Variants in ZNF385B observed in about 807,000 individuals in gnomAD.
The protein encoded by ZNF385B is zinc finger protein 533.
In ZNF385B, 23 loss-of-function variants were observed where a neutral mutation model predicts 39.2. That is an observed-to-expected ratio of 0.59 (90% CI 0.42 to 0.83). The LOEUF is 0.83. ZNF385B is among the 40% of genes least tolerant of loss of function. The pLI, the probability that ZNF385B is intolerant of heterozygous loss-of-function variation, is 0.00. For missense variants in ZNF385B, 552 were observed against 598.9 expected (o/e 0.92, Z 0.82); for synonymous variants, 205 against 222.6 (o/e 0.92, Z 0.70).
intron 3 of ZNF385B, among the ~76,000 whole-genome samples, chr2:179,631,450 C>T (rs9752068): frequency 0.029 from 4,388 of 152,170 alleles, 212 homozygotes; most frequent in African/African-American, 0.1. Flanking sequence ...AAATAAAATC[C>T]TTTACAGACA....
chr2:179,473,091 T>C (rs2052974061), intron 6 of ZNF385B, among the ~76,000 whole-genome samples: 2 of 152,166 alleles, frequency 1.3e-5, no homozygotes, highest in African/African-American at 4.8e-5. Flanking sequence ...TGCCAGGGGC[T>C]GCAGGGGACA....
At chr2:179,528,471 A>T (rs192283352) in intron 4 of ZNF385B, among the ~76,000 whole-genome samples, 106 of 152,336 alleles carry the variant, frequency 7.0e-4, no homozygotes, top group African/African-American at 2.3e-3. Context: ...ATAAATACAT[A>T]TGTTGTCTAA....
intron 3 of ZNF385B, among the ~76,000 whole-genome samples, chr2:179,628,631 A>G (rs16866871): frequency 0.15 from 23,347 of 152,152 alleles, 1,931 homozygotes; most frequent in East Asian, 0.25. Flanking sequence ...TCTCATCCTA[A>G]TTCATCTTAT....
intron 4 of ZNF385B, among the ~76,000 whole-genome samples, chr2:179,534,082 G>C (rs2059419858): frequency 6.6e-6 from 1 of 152,152 alleles, no homozygotes. Flanking sequence ...AAGTGACTGT[G>C]ATCTTTAAGT....
chr2:179,654,381 C>A (rs1194666113), intron 3 of ZNF385B, among the ~76,000 whole-genome samples: 1 of 152,110 alleles, frequency 6.6e-6, no homozygotes, highest in East Asian at 1.9e-4. Flanking sequence ...TATTTCCTAT[C>A]CCCCTACCCC....
At chr2:179,579,085 C>A (rs1332133637) in intron 3 of ZNF385B, among the ~76,000 whole-genome samples, 2 of 151,986 alleles carry the variant, frequency 1.3e-5, no homozygotes, top group African/African-American at 4.8e-5. Context: ...ACCTTCCAGT[C>A]ATTATGGTTG....
intron 6 of ZNF385B, among the ~76,000 whole-genome samples, chr2:179,473,971 G>A (rs879509104): frequency 3.3e-5 from 5 of 152,186 alleles, no homozygotes; most frequent in African/African-American, 4.8e-5. Flanking sequence ...TATGAGTTCA[G>A]TGAGAGGCAG....
intron 3 of ZNF385B, among the ~76,000 whole-genome samples, chr2:179,717,137 CA>C (rs752495169): frequency 3.6e-4 from 54 of 150,612 alleles, no homozygotes; most frequent in African/African-American, 1.1e-3. Context: ...AATGAATATT[CA>C]AAAAAAAATT....
At chr2:179,765,428 A>T (rs915806819) in intron 3 of ZNF385B, among the ~76,000 whole-genome samples, 1 of 152,154 alleles carries the variant, frequency 6.6e-6, no homozygotes, top group Non-Finnish European at 1.5e-5. Context: ...ATGGGCTTAC[A>T]TGGTTCCAGG....
In ZNF385B at chr2:179,701,340, A is replaced by ATT. The variant is rs543821645; in HGVS notation, c.298+68161_298+68162dup. 3.0e-3 allele frequency among the ~76,000 whole-genome samples: 461 copies of ATT among 152,276 alleles called. 1 individual carries two copies. Among genetic ancestry groups the ATT allele is most frequent in the African/African-American group, 0.011 (438 of 41,566 alleles). ...TTCTACACATTCTTCTTAAGATGCAATTTATAGGTAAACTCAAGAGTTCCA... is the reference window on the plus strand; with the variant it reads ...TTCTACACATTCTTCTTAAGATGCAATTTTTATAGGTAAACTCAAGAGTTCCA... On this transcript the variant is annotated intron_variant, in intron 3 of 9. Coordinates refer to ENST00000410066, the MANE Select transcript of ZNF385B (RefSeq NM_152520.6).
Position 179,577,215 on chromosome 2 carries a change from G to A in ZNF385B, c.299-32246C>T, listed in dbSNP as rs186735067. Among the ~76,000 whole-genome samples the A allele has an allele frequency of 4.6e-5, 7 of 152,172 alleles. No homozygotes were observed. In the East Asian group the frequency reaches 1.4e-3, roughly 29 times the overall value. ...TAAGCAGGCCACCCAGGCCCAGGTGGACTAAAGGGATCTTATTTTTTTAAG... is the reference window on the plus strand; with the variant it reads ...TAAGCAGGCCACCCAGGCCCAGGTGAACTAAAGGGATCTTATTTTTTTAAG... On this transcript the variant is annotated intron_variant, in intron 3 of 9. Transcript: ENST00000410066.
intron 1 of ZNF385B, among the ~76,000 whole-genome samples, chr2:179,859,851 G>A (rs1229411937): frequency 6.6e-6 from 1 of 152,160 alleles, no homozygotes; most frequent in African/African-American, 2.4e-5. Flanking sequence ...CGCACACATG[G>A]CATCAAAATA....
chr2:179,769,926 C>T (rs944624353), intron 2 of ZNF385B, 124 bp from the exon 3 acceptor site: 4 of 876,816 alleles, frequency 4.6e-6, no homozygotes, highest in Non-Finnish European at 5.1e-6. Context: ...GTGGTTACTA[C>T]TAGAAAAAAA....
intron 3 of ZNF385B, among the ~76,000 whole-genome samples, chr2:179,755,834 G>T (rs528552969): frequency 6.6e-6 from 1 of 152,110 alleles, no homozygotes; most frequent in Non-Finnish European, 1.5e-5. Flanking sequence ...GTCTCTGCAC[G>T]TGAGATGGGT....
chr2:179,702,882 G>A lies in ZNF385B; in HGVS notation c.298+66621C>T, dbSNP rs372341857. Among the ~76,000 whole-genome samples, 47 of 152,114 alleles carry A rather than the reference G, an allele frequency of 3.1e-4. 2 individuals carry two copies. The highest frequency in any genetic ancestry group is 2.5e-3 in the East Asian group (13 of 5,176). On this transcript the variant is annotated intron_variant, in intron 3 of 9. Transcript: ENST00000410066. ...TATCTGTGATTCTGCTCTTTCTCCC[G>A]CATCCCGTGTCAGTATCATAAACAA...
At chr2:179,579,682 C>T (rs1282610384) in intron 3 of ZNF385B, among the ~76,000 whole-genome samples, 1 of 152,038 alleles carries the variant, frequency 6.6e-6, no homozygotes, top group Non-Finnish European at 1.5e-5. Flanking sequence ...ATTTAAATAA[C>T]ACTTTATCCT....
At chr2:179,493,652 T>C (rs1477031258) in intron 5 of ZNF385B, among the ~76,000 whole-genome samples, 2 of 134,646 alleles carry the variant, frequency 1.5e-5, no homozygotes, top group Non-Finnish European at 3.2e-5. Flanking sequence ...CATATGCGTA[T>C]ACATATATGT....
At chr2:179,588,922 T>C (rs1220776759) in intron 3 of ZNF385B, among the ~76,000 whole-genome samples, 1 of 152,200 alleles carries the variant, frequency 6.6e-6, no homozygotes, top group East Asian at 1.9e-4. Flanking sequence ...TGCCCAGCAC[T>C]GTAGAGAGAG....
chr2:179,558,788 C>CT (rs753076381), intron 3 of ZNF385B, among the ~76,000 whole-genome samples: 17 of 152,192 alleles, frequency 1.1e-4, no homozygotes, highest in Non-Finnish European at 2.2e-4. Context: ...TCTTGGTCCT[C>CT]TATCAGCAAA....
Sources: gnomAD v4.1 joint callset for allele counts (sites outside exome capture counted in the v4.1 genomes callset) on GRCh38, gnomAD v4.1.1 for gene constraint, MANE v1.5 for transcripts, NCBI Gene and HGNC (gene_info 2026-07-23, HGNC 2026-07-21) for gene names.